Variants in LZIC observed in about 807,000 individuals in gnomAD.
LZIC encodes leucine zipper and CTNNBIP1 domain containing, also known as protein LZIC.
In LZIC, 28 loss-of-function variants were observed where a neutral mutation model predicts 25.4. The ratio of observed to expected loss-of-function variants is 1.10; its 90% confidence interval spans 0.82 to 1.51. The LOEUF is 1.51. Among genes scored for constraint, LZIC ranks in the 40% most tolerant of loss-of-function variants. LZIC has a pLI of 0.00. For missense variants in LZIC, 170 were observed against 211.1 expected (o/e 0.81, Z 1.21); for synonymous variants, 65 against 70.7 (o/e 0.92, Z 0.40).
chr1:9,928,866 C>CAAAAA lies in LZIC; in HGVS notation c.*1528_*1532dup, dbSNP rs34148395. 8.9e-6 allele frequency: 1 copy of CAAAAA among 112,738 alleles called. No homozygotes were observed. Among genetic ancestry groups the CAAAAA allele is most frequent in the Non-Finnish European group, 1.8e-5 (1 of 54,118 alleles). The allele number at this position is 112,738 out of a possible 1,614,324, so 7.0% of individuals were successfully genotyped here. On this transcript the variant is annotated 3_prime_UTR_variant, in exon 8 of 8. Coordinates refer to ENST00000377223, the MANE Select transcript of LZIC (RefSeq NM_032368.5). ...GGGCAATAAGAGTAAAACTCTGTCT[C>CAAAAA]AAAAAAAAAAAAAAAAAGAAAAGAA...
At position 9,942,795 on chromosome 1, in the gene LZIC, A is replaced by G. The variant is rs1190414393; in HGVS notation, c.-167-13T>C. The G allele has an allele frequency of 3.8e-6, 3 of 788,344 alleles. No homozygotes were observed. Among genetic ancestry groups the G allele is most frequent in the Non-Finnish European group, 5.6e-6 (3 of 531,400 alleles). The allele number at this position is 788,344 out of a possible 1,614,324, so 48.8% of individuals were successfully genotyped here. A position where few individuals can be genotyped will look rare whatever the true frequency, so the allele number is the denominator to read the frequency against. On this transcript the variant is annotated splice_polypyrimidine_tract_variant and intron_variant, in intron 1 of 7. Coordinates refer to ENST00000377223, the MANE Select transcript of LZIC (RefSeq NM_032368.5). ...CGGGGTGGAGATGCTGGAAAAAAGG[A>G]AACCATTAACAAGTAATTTTATTTG...
Position 9,928,316 on chromosome 1 carries a change from AAAC to A in LZIC, c.*2080_*2082del, listed in dbSNP as rs1277684179. Among the ~76,000 whole-genome samples, 2 of 152,066 alleles carry A rather than the reference AAAC, an allele frequency of 1.3e-5. No homozygotes were observed. Among genetic ancestry groups the A allele is most frequent in the African/African-American group, 2.4e-5 (1 of 41,412 alleles). ...CAACAGAGTGAAACTCCATCTCAAA[AAAC>A]AACGACAACAACAACAACACAACAA... On this transcript the variant is annotated 3_prime_UTR_variant, in exon 8 of 8. Transcript: ENST00000377223.
intron 6 of LZIC, among the ~76,000 whole-genome samples, chr1:9,932,541 G>C (rs1223652032): frequency 2.0e-5 from 3 of 150,934 alleles, no homozygotes; most frequent in Admixed American, 6.6e-5. Context: ...AAATTAGCCA[G>C]GCGTAGTGGT....
intron 7 of LZIC, among the ~76,000 whole-genome samples, chr1:9,931,008 C>G (rs12066088): frequency 6.6e-6 from 1 of 151,422 alleles, no homozygotes. Context: ...CTTGAGCCAC[C>G]GCACCTGGCC....
intron 6 of LZIC, among the ~76,000 whole-genome samples, chr1:9,932,345 CAAA>C (rs1209948675): frequency 2.3e-5 from 2 of 85,192 alleles, no homozygotes; most frequent in Non-Finnish European, 2.4e-5. Flanking sequence ...AACTCCGTCT[CAAA>C]AAAAAAAAAA....
intron 2 of LZIC, among the ~76,000 whole-genome samples, chr1:9,937,584 T>C (rs1420653953): frequency 1.3e-5 from 2 of 150,916 alleles, no homozygotes; most frequent in Non-Finnish European, 2.9e-5. Context: ...GGCTCACGCA[T>C]GTCTGTAATC....
At chr1:9,923,518 CT>C (rs60858066), downstream of LZIC, among the ~76,000 whole-genome samples, 4,924 of 74,046 alleles carry the variant, frequency 0.066, 322 homozygotes, top group African/African-American at 0.16. Context: ...CCCAATGCTT[CT>C]TTTTTTTTTT....
chr1:9,939,842 G>C (rs1640627699), intron 2 of LZIC, among the ~76,000 whole-genome samples: 1 of 152,144 alleles, frequency 6.6e-6, no homozygotes, highest in African/African-American at 2.4e-5. Context: ...ACTGGGGCCA[G>C]GCATGGTGTC....
chr1:9,936,416 C>T, intron 3 of LZIC, 103 bp downstream of exon 3: 1 of 756,502 alleles, frequency 1.3e-6, no homozygotes, highest in South Asian at 1.6e-5. Context: ...GCAAAGAACA[C>T]TACAGGGGAA....
downstream of LZIC, among the ~76,000 whole-genome samples, chr1:9,924,321 G>A (rs541712870): frequency 6.6e-6 from 1 of 151,884 alleles, no homozygotes; most frequent in East Asian, 1.9e-4. Context: ...GGAAAAAAAA[G>A]GCTCTATCCA....
chr1:9,925,071 G>A (rs1639948403), downstream of LZIC, among the ~76,000 whole-genome samples: 1 of 151,780 alleles, frequency 6.6e-6, no homozygotes, highest in Admixed American at 6.6e-5. Context: ...CAGCACTTTG[G>A]GAGGCCGAGG....
Position 9,929,625 on chromosome 1 carries a change from C to G in LZIC, c.*774G>C. 1.0e-6 allele frequency: 1 copy of G among 985,342 alleles called. No individual in the cohort carries two copies. Among genetic ancestry groups the G allele is most frequent in the Non-Finnish European group, 1.2e-6 (1 of 829,916 alleles). The allele number at this position is 985,342 out of a possible 1,614,324, so 61.0% of individuals were successfully genotyped here. ...CAGGCGGCTAAGTCACTTTAGGAAA[C>G]GCTCAACAGGGCTCCCATTGTTCCA... On this transcript the variant is annotated 3_prime_UTR_variant, in exon 8 of 8. Transcript: ENST00000377223.
rs1018157997 is a variant in LZIC at position 9,930,196 on chromosome 1, G to C, written c.*203C>G. The C allele has an allele frequency of 7.2e-7, 1 of 1,390,546 alleles. No homozygotes were observed. 86.1% of individuals were successfully genotyped at this position (1,390,546 alleles called of 1,614,324 possible). On this transcript the variant is annotated 3_prime_UTR_variant, in exon 8 of 8. Coordinates refer to ENST00000377223, the MANE Select transcript of LZIC (RefSeq NM_032368.5). ...AGTCCCTCTGTCGCAACAAGTTCAG[G>C]ATCACTCAAGCAGGTAACCGCACAC...
At chr1:9,931,562 T>C (rs1304030112) in intron 7 of LZIC, among the ~76,000 whole-genome samples, 2 of 152,214 alleles carry the variant, frequency 1.3e-5, no homozygotes, top group Non-Finnish European at 2.9e-5. Flanking sequence ...GCACCCGGCC[T>C]TGGCCTCCCG....
chr1:9,922,367 C>A, downstream of LZIC: 1 of 966,322 alleles, frequency 1.0e-6, no homozygotes, highest in Non-Finnish European at 1.2e-6. Context: ...TCCTGGGGAG[C>A]GAAAGTGAAC....
At chr1:9,941,181 G>GTTCGTTCTTTCT (rs1227040154) in intron 2 of LZIC, among the ~76,000 whole-genome samples, 1 of 30,126 alleles carries the variant, frequency 3.3e-5, no homozygotes, top group Non-Finnish European at 3.2e-4. Flanking sequence ...TCTTTCTTTC[G>GTTCGTTCTTTCT]TTCGTTCGTT....
At chr1:9,941,924 A>T (rs189899365) in intron 2 of LZIC, among the ~76,000 whole-genome samples, 2,428 of 150,806 alleles carry the variant, frequency 0.016, 59 homozygotes, top group African/African-American at 0.054. Context: ...TTTTTTTTTA[A>T]AATTTTTTTT....
At chr1:9,925,268 G>A (rs12760309), downstream of LZIC, among the ~76,000 whole-genome samples, 2,908 of 152,036 alleles carry the variant, frequency 0.019, 40 homozygotes, top group Non-Finnish European at 0.031. Context: ...AGCCGAGATC[G>A]GGCCATTGCA....
chr1:9,937,669 A>C (rs1200628122), intron 2 of LZIC, among the ~76,000 whole-genome samples: 1 of 151,620 alleles, frequency 6.6e-6, no homozygotes, highest in Non-Finnish European at 1.5e-5. Flanking sequence ...CAATATAGTG[A>C]GACTTCATCT....
Sources: gnomAD v4.1 joint callset for allele counts (sites outside exome capture counted in the v4.1 genomes callset) on GRCh38, gnomAD v4.1.1 for gene constraint, MANE v1.5 for transcripts, NCBI Gene and HGNC (gene_info 2026-07-23, HGNC 2026-07-21) for gene names.